DCLK2: variants seen among roughly 807,000 people sequenced by gnomAD.
DCLK2 encodes serine/threonine-protein kinase DCLK2.
In DCLK2, 31 loss-of-function variants were observed where a neutral mutation model predicts 78.4. The ratio of observed to expected loss-of-function variants is 0.40; its 90% CI spans 0.30 to 0.53. The LOEUF (loss-of-function observed/expected upper bound fraction) is 0.53. DCLK2 is among the 20% of genes least tolerant of loss of function. The pLI is 0.61. For synonymous variants in DCLK2, 407 were observed against 374.9 expected (o/e 1.09, Z -0.99); for missense variants, 872 against 973.7 (o/e 0.90, Z 1.39).
chr4:150,173,652 T>G (rs1026863917), intron 2 of DCLK2, among the ~76,000 whole-genome samples: 1 of 152,220 alleles, frequency 6.6e-6, no homozygotes, highest in Non-Finnish European at 1.5e-5. Context: ...GAGCTTGACC[T>G]ATTTCCTTAG....
intron 1 of DCLK2, among the ~76,000 whole-genome samples, chr4:150,095,266 C>T (rs1323817397): frequency 6.6e-6 from 1 of 152,170 alleles, no homozygotes; most frequent in Non-Finnish European, 1.5e-5. Context: ...CTTCTCTCTC[C>T]CATGGCAACA....
intron 2 of DCLK2, among the ~76,000 whole-genome samples, chr4:150,120,012 G>T (rs571653266): frequency 6.6e-6 from 1 of 152,080 alleles, no homozygotes; most frequent in African/African-American, 2.4e-5. Flanking sequence ...TATTGTTTTT[G>T]TATCTTATTA....
chr4:150,138,223 A>G (rs577975705), intron 2 of DCLK2, among the ~76,000 whole-genome samples: 1 of 152,340 alleles, frequency 6.6e-6, no homozygotes, highest in South Asian at 2.1e-4. Context: ...TTTGCAACCC[A>G]ACTACCTGGG....
At chr4:150,214,232 T>G (rs374217235) in intron 5 of DCLK2, among the ~76,000 whole-genome samples, 18 of 152,248 alleles carry the variant, frequency 1.2e-4, no homozygotes, top group African/African-American at 3.9e-4. Context: ...ACAGATGTTC[T>G]CAACCTTGGC....
At chr4:150,239,528 G>C (rs1006161981) in intron 10 of DCLK2, among the ~76,000 whole-genome samples, 12 of 152,094 alleles carry the variant, frequency 7.9e-5, no homozygotes, top group African/African-American at 2.7e-4. Flanking sequence ...CTTCAGCCCA[G>C]AGGTTGAGGC....
At chr4:150,147,844 A>G (rs1734592782) in intron 2 of DCLK2, among the ~76,000 whole-genome samples, 1 of 152,240 alleles carries the variant, frequency 6.6e-6, no homozygotes, top group Non-Finnish European at 1.5e-5. Flanking sequence ...GAATTGTAAT[A>G]AACAGATTAA....
intron 8 of DCLK2, among the ~76,000 whole-genome samples, chr4:150,225,818 T>G (rs1741561959): frequency 6.6e-6 from 1 of 152,210 alleles, no homozygotes; most frequent in Non-Finnish European, 1.5e-5. Flanking sequence ...TAGAGCCAGA[T>G]TCTATAAAGT....
In DCLK2 at chr4:150,256,281, G is replaced by A. The variant is rs765245817; in HGVS notation, c.*34G>A. 22 of 1,462,358 alleles carry A rather than the reference G, an allele frequency of 1.5e-5. No homozygotes were observed. Among genetic ancestry groups the A allele is most frequent in the African/African-American group, 1.4e-4 (10 of 69,792 alleles). The allele number at this position is 1,462,358 out of a possible 1,614,324, so 90.6% of individuals were successfully genotyped here. A position where few individuals can be genotyped will look rare whatever the true frequency, so the allele number is the denominator to read the frequency against. ...CAGACGGGCGAAGCCGCCTGCTGCA[G>A]CCCAGGAAGCCAGCCCTCTGCTCGG... On this transcript the variant is annotated 3_prime_UTR_variant, in exon 16 of 16. Transcript: ENST00000296550.
chr4:150,199,106 GCT>G, intron 4 of DCLK2: 1 of 1,586,304 alleles, frequency 6.3e-7, no homozygotes, highest in Non-Finnish European at 8.5e-7. Flanking sequence ...TGGCTTTGTT[GCT>G]CTGCTGGGTT....
chr4:150,114,194 A>G (rs1731905412), intron 2 of DCLK2, among the ~76,000 whole-genome samples: 1 of 152,042 alleles, frequency 6.6e-6, no homozygotes, highest in South Asian at 2.1e-4. Flanking sequence ...TGTTCCATGT[A>G]CTTATTAGAA....
At chr4:150,121,925 AT>A (rs1057438159) in intron 2 of DCLK2, among the ~76,000 whole-genome samples, 8 of 152,028 alleles carry the variant, frequency 5.3e-5, no homozygotes, top group Admixed American at 2.6e-4. Context: ...TTTGAAATGA[AT>A]TTTTTTTCCA....
At chr4:150,209,423 C>T (rs1441896970) in intron 5 of DCLK2, among the ~76,000 whole-genome samples, 1 of 152,228 alleles carries the variant, frequency 6.6e-6, no homozygotes, top group Admixed American at 6.5e-5. Context: ...TGTACTATGC[C>T]TTTGTTACGA....
intron 5 of DCLK2, among the ~76,000 whole-genome samples, chr4:150,214,419 G>C (rs1425918992): frequency 2.0e-5 from 3 of 152,188 alleles, no homozygotes; most frequent in Non-Finnish European, 4.4e-5. Context: ...TTCTGTTTTA[G>C]AGTTTAAAAG....
At chr4:150,172,123 A>G (rs958060359) in intron 2 of DCLK2, among the ~76,000 whole-genome samples, 2 of 152,216 alleles carry the variant, frequency 1.3e-5, no homozygotes, top group Admixed American at 6.5e-5. Flanking sequence ...GTTGAGTAAC[A>G]TAGTTTGTTC....
chr4:150,162,246 G>A (rs1735758452), intron 2 of DCLK2, among the ~76,000 whole-genome samples: 1 of 152,072 alleles, frequency 6.6e-6, no homozygotes, highest in Non-Finnish European at 1.5e-5. Context: ...TGCCCAGGCT[G>A]GTCTTGAACT....
At chr4:150,134,267 A>T (rs918125716) in intron 2 of DCLK2, among the ~76,000 whole-genome samples, 5 of 151,708 alleles carry the variant, frequency 3.3e-5, no homozygotes, top group African/African-American at 1.2e-4. Context: ...TTTTTAGTAG[A>T]GATGCGGTTT....
intron 2 of DCLK2, among the ~76,000 whole-genome samples, chr4:150,169,605 C>G (rs1736359722): frequency 6.8e-6 from 1 of 146,064 alleles, no homozygotes. Flanking sequence ...TGCAGTGAGC[C>G]AAGATCGCAC....
intron 4 of DCLK2, among the ~76,000 whole-genome samples, chr4:150,198,455 T>G (rs1470711981): frequency 6.9e-6 from 1 of 144,068 alleles, no homozygotes; most frequent in Non-Finnish European, 1.6e-5. Context: ...CATTATCTCT[T>G]TTTTTTAAAA....
chr4:150,079,814 C>T (rs898907702), intron 1 of DCLK2, among the ~76,000 whole-genome samples: 1 of 152,128 alleles, frequency 6.6e-6, no homozygotes, highest in East Asian at 1.9e-4. Context: ...TCTGTTGGAC[C>T]CTCGGTGTGG....
Sources: allele counts gnomAD v4.1 joint callset (sites outside exome capture counted in the v4.1 genomes callset), GRCh38; gene constraint gnomAD v4.1.1; transcripts MANE v1.5; gene names NCBI Gene and HGNC (gene_info 2026-07-23, HGNC 2026-07-21).